ATE1: variants seen among roughly 807,000 people sequenced by gnomAD.
ATE1 encodes the protein arginyl-tRNA--protein transferase 1.
In ATE1, 36 loss-of-function variants were observed where a neutral mutation model predicts 70.5. That is an observed-to-expected ratio of 0.51 (90% CI 0.39 to 0.67). The LOEUF (loss-of-function observed/expected upper bound fraction) is 0.67. ATE1 is among the 30% of genes least tolerant of loss of function. The pLI, the probability that ATE1 is intolerant of heterozygous loss-of-function variation, is 0.00. For missense variants in ATE1, 593 were observed against 629.5 expected (o/e 0.94, Z 0.62); for synonymous variants, 232 against 219.3 (o/e 1.06, Z -0.51).
At chr10:121,906,514 G>T (rs1475070679) in intron 5 of ATE1, among the ~76,000 whole-genome samples, 1 of 150,812 alleles carries the variant, frequency 6.6e-6, no homozygotes, top group African/African-American at 2.4e-5. Flanking sequence ...GGGAGACAGA[G>T]TAAGACCCTG....
At chr10:121,753,975 A>C (rs926014590) in intron 11 of ATE1, among the ~76,000 whole-genome samples, 1 of 152,190 alleles carries the variant, frequency 6.6e-6, no homozygotes, top group South Asian at 2.1e-4. Context: ...CATATAAATA[A>C]ATATACTGAG....
At chr10:121,836,114 C>T (rs1948423130) in intron 10 of ATE1, among the ~76,000 whole-genome samples, 1 of 152,130 alleles carries the variant, frequency 6.6e-6, no homozygotes, top group Admixed American at 6.6e-5. Flanking sequence ...GCTTCTTCTC[C>T]TAGAAACGTC....
chr10:121,846,134 A>G (rs1948810566), intron 8 of ATE1, among the ~76,000 whole-genome samples: 1 of 102,714 alleles, frequency 9.7e-6, no homozygotes, highest in Non-Finnish European at 2.5e-5. Flanking sequence ...TCAAAAAAAA[A>G]AAAAAACCCA....
At chr10:121,770,480 C>A (rs1015834500) in intron 11 of ATE1, among the ~76,000 whole-genome samples, 1 of 152,000 alleles carries the variant, frequency 6.6e-6, no homozygotes. Flanking sequence ...AAAACTATAG[C>A]GTTTTATGTA....
At position 121,741,136 on chromosome 10, in the gene ATE1, C is replaced by T. The variant is rs1944134761; in HGVS notation, c.*2544G>A. 6.6e-6 allele frequency: 1 copy of T among 152,192 alleles called. No individual in the cohort carries two copies. Among genetic ancestry groups the T allele is most frequent in the South Asian group, 2.1e-4 (1 of 4,834 alleles). The allele number at this position is 152,192 out of a possible 1,614,324, so 9.4% of individuals were successfully genotyped here. A position where few individuals can be genotyped will look rare whatever the true frequency, so the allele number is the denominator to read the frequency against. On this transcript the variant is annotated 3_prime_UTR_variant, in exon 12 of 12. Coordinates refer to ENST00000224652, the MANE Select transcript of ATE1 (RefSeq NM_001001976.3). ...AACTGTCTTTGAAAAGTCCTTGTGT[C>T]TTTCTTTACAGAAAGTTACGAACAT...
intron 11 of ATE1, among the ~76,000 whole-genome samples, chr10:121,760,801 A>G (rs1945007531): frequency 6.6e-6 from 1 of 152,222 alleles, no homozygotes; most frequent in African/African-American, 2.4e-5. Context: ...CATGCTACAG[A>G]GAACTCTTTT....
At chr10:121,854,204 G>T (rs1949160265) in intron 8 of ATE1, among the ~76,000 whole-genome samples, 1 of 152,042 alleles carries the variant, frequency 6.6e-6, no homozygotes, top group African/African-American at 2.4e-5. Context: ...TCCCTTACAT[G>T]GTTTACCACC....
chr10:121,913,991 C>T (rs1564960486), intron 3 of ATE1, 98 bp from the exon 4 acceptor site: 2 of 833,836 alleles, frequency 2.4e-6, no homozygotes, highest in Non-Finnish European at 3.7e-6. Context: ...CATCTCATGC[C>T]TGAGATTTCT....
At chr10:121,858,129 A>C (rs1949316737) in intron 8 of ATE1, among the ~76,000 whole-genome samples, 1 of 152,172 alleles carries the variant, frequency 6.6e-6, no homozygotes, top group Non-Finnish European at 1.5e-5. Flanking sequence ...GCTACTGTGA[A>C]TGATGCTGCT....
At chr10:121,922,973 T>C (rs1034148853) in intron 2 of ATE1, among the ~76,000 whole-genome samples, 1 of 152,184 alleles carries the variant, frequency 6.6e-6, no homozygotes, top group Non-Finnish European at 1.5e-5. Flanking sequence ...AACCCTATCC[T>C]AAATTGTCCC....
At chr10:121,796,576 C>CACAT (rs1199355354) in intron 10 of ATE1, among the ~76,000 whole-genome samples, 1 of 152,150 alleles carries the variant, frequency 6.6e-6, no homozygotes, top group Non-Finnish European at 1.5e-5. Flanking sequence ...CAAAGTAGAG[C>CACAT]TGTAATATTC....
At chr10:121,805,061 C>T (rs1947042468) in intron 10 of ATE1, among the ~76,000 whole-genome samples, 1 of 152,168 alleles carries the variant, frequency 6.6e-6, no homozygotes, top group African/African-American at 2.4e-5. Flanking sequence ...GTATGATTTA[C>T]AAGCATCTGA....
chr10:121,861,274 C>G (rs1024517202), intron 8 of ATE1, among the ~76,000 whole-genome samples: 5 of 152,076 alleles, frequency 3.3e-5, no homozygotes, highest in Non-Finnish European at 7.4e-5. Context: ...CCAGGAAACT[C>G]CTGGCATTTT....
chr10:121,771,141 C>T (rs547777574), intron 11 of ATE1, among the ~76,000 whole-genome samples: 5 of 152,190 alleles, frequency 3.3e-5, no homozygotes, highest in African/African-American at 7.2e-5. Flanking sequence ...GCGCAATCTC[C>T]GCTCACTGCA....
At chr10:121,865,029 C>T (rs994046679) in intron 8 of ATE1, among the ~76,000 whole-genome samples, 2 of 152,208 alleles carry the variant, frequency 1.3e-5, no homozygotes, top group African/African-American at 4.8e-5. Context: ...CTTTCAAATA[C>T]TATCATATCA....
intron 11 of ATE1, among the ~76,000 whole-genome samples, chr10:121,751,671 T>C (rs567560998): frequency 6.6e-6 from 1 of 152,314 alleles, no homozygotes; most frequent in South Asian, 2.1e-4. Context: ...TTTTATTGAG[T>C]TGTCAGAATT....
intron 3 of ATE1, among the ~76,000 whole-genome samples, chr10:121,918,342 A>C (rs1951742196): frequency 6.6e-6 from 1 of 152,128 alleles, no homozygotes; most frequent in African/African-American, 2.4e-5. Context: ...CAAAAAAAAA[A>C]AAAAAAGATG....
chr10:121,809,744 A>G (rs767736454), intron 10 of ATE1, among the ~76,000 whole-genome samples: 4 of 152,032 alleles, frequency 2.6e-5, no homozygotes, highest in Non-Finnish European at 5.9e-5. Context: ...ATCAAGAAAA[A>G]AAGTTATGCA....
chr10:121,817,191 C>A (rs1947577355), intron 10 of ATE1, among the ~76,000 whole-genome samples: 1 of 152,220 alleles, frequency 6.6e-6, no homozygotes, highest in African/African-American at 2.4e-5. Flanking sequence ...ATATCTATAT[C>A]CATGCATCCA....
Sources: allele counts gnomAD v4.1 joint callset (sites outside exome capture counted in the v4.1 genomes callset), GRCh38; gene constraint gnomAD v4.1.1; transcripts MANE v1.5; gene names NCBI Gene and HGNC (gene_info 2026-07-23, HGNC 2026-07-21).